Variants in CT45A10 observed in about 807,000 individuals in gnomAD.
CT45A10 encodes the protein cancer/testis antigen family 45 member A10.
Under a neutral mutation model 8.3 loss-of-function variants are expected in CT45A10, and 19 were observed. That is an observed-to-expected ratio of 2.30 (90% confidence interval 1.61 to 3.38). The LOEUF is 3.38. Ranked by LOEUF, CT45A10 falls within the 30% of genes most tolerant of loss-of-function variation. The pLI is 0.00. For missense variants in CT45A10, 149 were observed against 85.9 expected (o/e 1.73, Z -2.90); for synonymous variants, 28 against 26.5 (o/e 1.06, Z -0.17).
At chrX:135,881,830 C>T (rs1332126956) in intron 4 of CT45A10, among the ~76,000 whole-genome samples, 135 of 23,589 alleles carry the variant, frequency 5.7e-3, no homozygotes, top group African/African-American at 0.017. Context: ...CGGATAGAAC[C>T]GAAGGCCCTT....
chrX:135,892,816 G>A (rs904334987), intron 1 of CT45A10, among the ~76,000 whole-genome samples: 1 of 111,794 alleles, frequency 8.9e-6, no homozygotes, highest in South Asian at 3.8e-4. Context: ...CCCCACAGCC[G>A]AGAACAGCAC....
chrX:135,890,537 C>T (rs1241643164), intron 1 of CT45A10, among the ~76,000 whole-genome samples: 1 of 112,445 alleles, frequency 8.9e-6, no homozygotes, highest in Non-Finnish European at 1.9e-5. Context: ...AGATCACCCA[C>T]GGTGTACCTG....
chrX:135,882,558 A>T lies in CT45A10; in HGVS notation c.490T>A (p.Ser164Thr). The T allele has an allele frequency of 8.8e-7, 1 of 1,135,807 alleles. No homozygotes were observed. Among genetic ancestry groups the T allele is most frequent in the Non-Finnish European group, 1.2e-6 (1 of 852,328 alleles). The allele number at this position is 1,135,807 out of a possible 1,213,427, so 93.6% of individuals were successfully genotyped here. ...CACCTTGCTGCTTCCTTGATGATGG[A>T]TTCAAAAAATCGTTTCCTGACTGCA... ...PTAVRKRFFE[S>T]IIKEAARCMR... is the part of the protein sequence containing the mutation. Residue 164 changes from serine (S) to threonine (T), a missense_variant, in exon 4 of 5, where the codon TCC (serine) becomes ACC (threonine). Coordinates refer to ENST00000682849, the MANE Select transcript of CT45A10 (RefSeq NM_001291529.2).
chrX:135,892,961 C>A (rs1556590884), intron 1 of CT45A10, among the ~76,000 whole-genome samples: 1 of 110,234 alleles, frequency 9.1e-6, no homozygotes, highest in Admixed American at 9.6e-5. Flanking sequence ...AAGGCAGAGT[C>A]CCCCCTCAGG....
At chrX:135,882,803 G>A (rs2088395593) in intron 3 of CT45A10, among the ~76,000 whole-genome samples, 174 bp from the exon 4 acceptor site, 1 of 100,902 alleles carries the variant, frequency 9.9e-6, no homozygotes, top group Admixed American at 1.1e-4. Context: ...ACATACGAAT[G>A]TAACTCCTTT....
At chrX:135,883,293 G>T in intron 2 of CT45A10, 37 bp from the exon 3 acceptor site, 3 of 1,195,061 alleles carry the variant, frequency 2.5e-6, no homozygotes, top group Admixed American at 4.4e-5. Flanking sequence ...CCATCAGTTG[G>T]TGTTTGACCA....
chrX:135,883,263 A>C lies in CT45A10; in HGVS notation c.170-7T>G, dbSNP rs1391487772. ...GCATGTCCTGTCATAAGCTCTGGTG[A>C]AACAAATTTTGAGTAAAAGCCATCA... On this transcript the variant is annotated splice_region_variant and splice_polypyrimidine_tract_variant and intron_variant, in intron 2 of 4. Transcript: ENST00000682849. The C allele has an allele frequency of 2.6e-5, 31 of 1,196,246 alleles. No individual in the cohort carries two copies. In the East Asian group the frequency reaches 9.2e-4, roughly 36 times the overall value.
chrX:135,882,894 G>A (rs2088397129), intron 3 of CT45A10, 114 bp downstream of exon 3: 1 of 873,875 alleles, frequency 1.1e-6, no homozygotes, highest in African/African-American at 2.1e-5. Flanking sequence ...TAAATTATGT[G>A]CAGTCTCAAC....
At chrX:135,891,862 T>C (rs1352264450) in intron 1 of CT45A10, among the ~76,000 whole-genome samples, 3 of 111,709 alleles carry the variant, frequency 2.7e-5, no homozygotes, top group African/African-American at 9.8e-5. Flanking sequence ...TATATGCCTG[T>C]GTGCATGTGT....
chrX:135,883,018 G>A lies in CT45A10; in HGVS notation c.408C>T (p.Cys136=), dbSNP rs1165646416. 13 of 1,198,058 alleles carry A rather than the reference G, an allele frequency of 1.1e-5. No homozygotes were observed. The highest frequency in any genetic ancestry group is 1.8e-5 in the South Asian group (1 of 55,943). The change falls in exon 3 of 5, where the codon TGC becomes TGT. Residue 136 remains cysteine, a synonymous_variant. Transcript: ENST00000682849. The part of the protein sequence containing the change: ...IKCQVVKEIR[C]LGRKYEKIFE... ...TCTTACACTACTTACTTCGTCCAAG[G>A]CATCGGATTTCCTTCACTACTTGAC...
At chrX:135,883,428 G>A (rs2088411634) in intron 2 of CT45A10, among the ~76,000 whole-genome samples, 172 bp from the exon 3 acceptor site, 1 of 109,831 alleles carries the variant, frequency 9.1e-6, no homozygotes, top group Admixed American at 9.7e-5. Context: ...TCAGTTTCTA[G>A]GGAATTATTT....
At chrX:135,889,430 G>A (rs1196445316) in intron 1 of CT45A10, among the ~76,000 whole-genome samples, 2 of 106,545 alleles carry the variant, frequency 1.9e-5, no homozygotes, top group South Asian at 8.6e-4. Flanking sequence ...AGTGAGCCAA[G>A]ATCGTGCCAG....
intron 2 of CT45A10, among the ~76,000 whole-genome samples, chrX:135,883,519 A>G (rs2088413085): frequency 9.1e-6 from 1 of 109,868 alleles, no homozygotes; most frequent in African/African-American, 3.3e-5. Context: ...CAATAAAACC[A>G]CCTCCTATTT....
intron 1 of CT45A10, among the ~76,000 whole-genome samples, 99 bp downstream of exon 1, chrX:135,893,246 C>A (rs1233013656): frequency 9.0e-6 from 1 of 111,516 alleles, no homozygotes; most frequent in Non-Finnish European, 1.9e-5. Context: ...ACAGAGAACA[C>A]CTCAGAAAAG....
intron 2 of CT45A10, 67 bp from the exon 3 acceptor site, chrX:135,883,323 A>G: frequency 8.4e-7 from 1 of 1,190,753 alleles, no homozygotes; most frequent in East Asian, 3.0e-5. Flanking sequence ...CCCTCCACAT[A>G]AACCTCATGA....
chrX:135,891,315 A>T (rs1556589954), intron 1 of CT45A10, among the ~76,000 whole-genome samples: 1 of 109,046 alleles, frequency 9.2e-6, no homozygotes. Context: ...AAAGCAAAGC[A>T]TATATGTAGA....
Position 135,882,632 on chromosome X carries a change from G to T in CT45A10, c.419-3C>A. On this transcript the variant is annotated splice_polypyrimidine_tract_variant and splice_region_variant and intron_variant, in intron 3 of 4. Transcript: ENST00000682849. ...CATTTCGAAGATTTTTTCATATTCT[G>T]AAGATGTTGAAAAAAAAACTTCAGT... 8.6e-7 allele frequency: 1 copy of T among 1,160,116 alleles called. No homozygotes were observed. Among genetic ancestry groups the T allele is most frequent in the Non-Finnish European group, 1.2e-6 (1 of 866,468 alleles).
chrX:135,889,679 G>C (rs1351623941), intron 1 of CT45A10, among the ~76,000 whole-genome samples: 1 of 109,579 alleles, frequency 9.1e-6, no homozygotes, highest in African/African-American at 3.3e-5. Flanking sequence ...GGTGAATCCC[G>C]TCTCTACTAA....
intron 1 of CT45A10, among the ~76,000 whole-genome samples, chrX:135,892,235 C>A (rs1310946142): frequency 9.0e-6 from 1 of 110,847 alleles, no homozygotes; most frequent in African/African-American, 3.3e-5. Flanking sequence ...ATCGAGCGAG[C>A]CTGGGAGCCC....
Sources: gnomAD v4.1 joint callset for allele counts (sites outside exome capture counted in the v4.1 genomes callset) on GRCh38, gnomAD v4.1.1 for gene constraint, MANE v1.5 for transcripts, NCBI Gene and HGNC (gene_info 2026-07-23, HGNC 2026-07-21) for gene names.